The following SLC5A5 variants were observed in gnomAD, a reference collection of about 807,000 sequenced individuals.
SLC5A5 encodes sodium/iodide cotransporter.
Under a neutral mutation model 68.6 loss-of-function variants are expected in SLC5A5, and 56 were observed. That is an observed-to-expected ratio of 0.82 (90% CI 0.66 to 1.02). The LOEUF (loss-of-function observed/expected upper bound fraction) is 1.02. Ranked by LOEUF, SLC5A5 falls within the 50% of genes least tolerant of loss-of-function variation. The pLI is 0.00. For missense variants in SLC5A5, 807 were observed against 859.8 expected (o/e 0.94, Z 0.77); for synonymous variants, 398 against 373.0 (o/e 1.07, Z -0.77).
At chr19:17,878,399 G>A (rs2094312692) in intron 7 of SLC5A5, among the ~76,000 whole-genome samples, 1 of 152,130 alleles carries the variant, frequency 6.6e-6, no homozygotes, top group African/African-American at 2.4e-5. Context: ...CGGCTACTCA[G>A]GAGGCTGAGG....
At chr19:17,879,573 G>A (rs940337689) in intron 7 of SLC5A5, among the ~76,000 whole-genome samples, 6 of 152,126 alleles carry the variant, frequency 3.9e-5, no homozygotes, top group African/African-American at 1.2e-4. Flanking sequence ...GCAAGTCGGG[G>A]GGCGGTGCCA....
At chr19:17,877,501 G>T (rs1482705937) in intron 5 of SLC5A5, among the ~76,000 whole-genome samples, 2 of 152,056 alleles carry the variant, frequency 1.3e-5, no homozygotes, top group Non-Finnish European at 2.9e-5. Flanking sequence ...TAGAGATGGG[G>T]TTTCACCATG....
chr19:17,872,065 C>A lies in SLC5A5; in HGVS notation c.-255C>A. ...CAGAGTGAGAGGGGAGGTGGCAGGACAGACAGACAGCAGGGGCGGACGCAG... is the reference window on the plus strand; with the variant it reads ...CAGAGTGAGAGGGGAGGTGGCAGGAAAGACAGACAGCAGGGGCGGACGCAG... On this transcript the variant is annotated 5_prime_UTR_variant, in exon 1 of 15. Coordinates refer to ENST00000222248, the MANE Select transcript of SLC5A5 (RefSeq NM_000453.3). 1.8e-6 allele frequency: 1 copy of A among 541,508 alleles called. No homozygotes were observed. Among genetic ancestry groups the A allele is most frequent in the East Asian group, 3.3e-5 (1 of 30,194 alleles). The allele number at this position is 541,508 out of a possible 1,614,324, so 33.5% of individuals were successfully genotyped here.
intron 2 of SLC5A5, 37 bp from the exon 3 acceptor site, chr19:17,874,457 G>A: frequency 6.2e-7 from 1 of 1,607,924 alleles, no homozygotes; most frequent in East Asian, 2.2e-5. Flanking sequence ...TCGCCCAGAC[G>A]CCCTCCCTGC....
Position 17,888,828 on chromosome 19 carries a change from C to T in SLC5A5, c.1651+373C>T, listed in dbSNP as rs189691045. ...TGCATTTTTAGTAGAGACGGAGTTT[C>T]GCCATGTGTCTCGAACTCCTGGGCT... On this transcript the variant is annotated intron_variant, in intron 13 of 14. Transcript: ENST00000222248. Among the ~76,000 whole-genome samples the T allele has an allele frequency of 1.8e-3, 272 of 151,348 alleles. 1 individual carries two copies. Among genetic ancestry groups the T allele is most frequent in the African/African-American group, 5.9e-3 (242 of 41,290 alleles).
In SLC5A5 at chr19:17,880,872, C is replaced by T. The variant is rs2094319237; in HGVS notation, c.977C>T (p.Pro326Leu). The T allele has an allele frequency of 1.2e-6, 2 of 1,613,302 alleles. No individual in the cohort carries two copies. The highest frequency in any genetic ancestry group is 1.7e-6 in the Non-Finnish European group (2 of 1,179,656). ...GRISAPDQYM[P>L]LLVLDIFEDL... ...ACCCCCAGTTCTCCCCAGTACATGC[C>T]TCTGCTGGTGCTGGACATCTTCGAA... The change falls in exon 8 of 15, where the codon CCT (proline) becomes CTT (leucine). Residue 326 changes from proline to leucine, a missense_variant. By Grantham distance (98) the Pro-to-Leu change is moderately conservative (BLOSUM62 -3). Coordinates refer to ENST00000222248, the MANE Select transcript of SLC5A5 (RefSeq NM_000453.3).
Position 17,890,898 on chromosome 19 carries a change from G to C in SLC5A5, c.1664G>C (p.Arg555Pro). 1 of 1,613,450 alleles carries C rather than the reference G, an allele frequency of 6.2e-7. No individual in the cohort carries two copies. Among genetic ancestry groups the C allele is most frequent in the Non-Finnish European group, 8.5e-7 (1 of 1,179,570 alleles). The change falls in exon 14 of 15, where the codon CGC (arginine) becomes CCC (proline). Residue 555 changes from arginine (R) to proline (P), a missense_variant. Arg to Pro is a moderately radical substitution (Grantham distance 103). Transcript: ENST00000222248. ...CCCCGCCTCTCAGGCCCCACCAAGCGCAGCACCCTGGCCCCGGGATTGTTG... is the reference window on the plus strand; with the variant it reads ...CCCCGCCTCTCAGGCCCCACCAAGCCCAGCACCCTGGCCCCGGGATTGTTG... ...LISCLTGPTKRSTLAPGLLWW... is the reference protein window; with the variant it reads ...LISCLTGPTKPSTLAPGLLWW...
At chr19:17,883,593 C>T in intron 10 of SLC5A5, 88 bp from the exon 11 acceptor site, 1 of 1,072,454 alleles carries the variant, frequency 9.3e-7, no homozygotes, top group South Asian at 1.2e-5. Context: ...ATTGGAGTTC[C>T]TGAGGTCTCG....
intron 7 of SLC5A5, among the ~76,000 whole-genome samples, 182 bp downstream of exon 7, chr19:17,878,275 C>T (rs901074035): frequency 1.2e-4 from 18 of 152,086 alleles, no homozygotes; most frequent in East Asian, 1.9e-4. Context: ...GAGGCTGAGG[C>T]GGGTGGATCA....
In SLC5A5 at chr19:17,894,173, G is replaced by A. The variant is rs1224362591; in HGVS notation, c.*296G>A. On this transcript the variant is annotated 3_prime_UTR_variant, in exon 15 of 15. Transcript: ENST00000222248. ...TTTTTTTTTTTTTTTTTTGAGACAG[G>A]GTCATGCTCTGTCACCCAGGCTGGA... 2.6e-5 allele frequency: 9 copies of A among 347,334 alleles called. No individual in the cohort carries two copies. The highest frequency in any genetic ancestry group is 1.4e-4 in the African/African-American group (6 of 41,818). The allele number at this position is 347,334 out of a possible 1,614,324, so 21.5% of individuals were successfully genotyped here.
chr19:17,874,005 C>T (rs2094300480), intron 1 of SLC5A5, 133 bp from the exon 2 acceptor site: 2 of 717,722 alleles, frequency 2.8e-6, no homozygotes, highest in South Asian at 1.5e-5. Context: ...CGGCGGGGCC[C>T]CCACGTGCAA....
rs375564091 is a variant in SLC5A5, at chr19:17,876,071, G to C, written c.663G>C (p.Thr221=). 1 of 1,614,164 alleles carries C rather than the reference G, an allele frequency of 6.2e-7. No individual in the cohort carries two copies. The highest frequency in any genetic ancestry group is 1.7e-5 in the Admixed American group (1 of 60,008). Residue 221 remains threonine (T), a synonymous_variant, in exon 5 of 15, where the codon ACG becomes ACC. Transcript: ENST00000222248. The part of the protein sequence containing the change: ...MLVGGPRQVL[T]LAQNHSRINL... Reference sequence around the variant, plus strand: ...TGGGCGGGCCCCGCCAGGTGCTCACGCTGGCCCAGAACCACTCCCGGATCA... The same window carrying C: ...TGGGCGGGCCCCGCCAGGTGCTCACCCTGGCCCAGAACCACTCCCGGATCA...
At chr19:17,879,521 G>A (rs1277411559) in intron 7 of SLC5A5, among the ~76,000 whole-genome samples, 2 of 152,116 alleles carry the variant, frequency 1.3e-5, no homozygotes, top group African/African-American at 2.4e-5. Context: ...TACAGATGAG[G>A]AAATTGAGGC....
intron 10 of SLC5A5, 85 bp downstream of exon 10, chr19:17,882,304 G>A: frequency 2.8e-6 from 3 of 1,073,562 alleles, no homozygotes; most frequent in Non-Finnish European, 2.8e-6. Flanking sequence ...GGCTCAGAGA[G>A]GTCACATGTG....
intron 14 of SLC5A5, among the ~76,000 whole-genome samples, chr19:17,893,001 T>TC (rs1012993507): frequency 2.1e-5 from 3 of 141,894 alleles, no homozygotes; most frequent in Admixed American, 7.0e-5. Flanking sequence ...TCTCTTCTTT[T>TC]CTTTTTTTTC....
chr19:17,887,102 AC>A lies in SLC5A5; in HGVS notation c.1527-1228del. ...AATTAAAAAACAAACAAACAAAAAAACACCCTTTGCCCATTTTTAAATTGGG... is the reference window on the plus strand; with the variant it reads ...AATTAAAAAACAAACAAACAAAAAAAACCCTTTGCCCATTTTTAAATTGGG... On this transcript the variant is annotated intron_variant, in intron 12 of 14. Coordinates refer to ENST00000222248, the MANE Select transcript of SLC5A5 (RefSeq NM_000453.3). Among the ~76,000 whole-genome samples, 4 of 152,044 alleles carry A rather than the reference AC, an allele frequency of 2.6e-5. 1 individual carries two copies. The South Asian group carries it at 8.3e-4, about 32-fold the overall frequency.
At chr19:17,880,285 G>A (rs1257932206) in intron 7 of SLC5A5, among the ~76,000 whole-genome samples, 2 of 148,992 alleles carry the variant, frequency 1.3e-5, no homozygotes, top group Non-Finnish European at 3.0e-5. Context: ...CGCGATCTCC[G>A]CTCGCTGCAA....
At chr19:17,891,816 TA>T (rs1315179420) in intron 14 of SLC5A5, among the ~76,000 whole-genome samples, 2 of 152,196 alleles carry the variant, frequency 1.3e-5, no homozygotes, top group African/African-American at 4.8e-5. Flanking sequence ...ATCCCATGCC[TA>T]CCCCTGTTTT....
chr19:17,894,151 T>TTTTC lies in SLC5A5; in HGVS notation c.*277_*278insCTTT. On this transcript the variant is annotated 3_prime_UTR_variant, in exon 15 of 15. Coordinates refer to ENST00000222248, the MANE Select transcript of SLC5A5 (RefSeq NM_000453.3). ...TGGGTTTTTCTCTCTCTCTTTTTTT[T>TTTTC]TTTTTTTTTTTTTTGAGACAGGGTC... 6 of 331,524 alleles carry TTTTC rather than the reference T, an allele frequency of 1.8e-5. No individual in the cohort carries two copies. Among genetic ancestry groups the TTTTC allele is most frequent in the Middle Eastern group, 9.5e-4 (1 of 1,048 alleles). The allele number at this position is 331,524 out of a possible 1,614,324, so 20.5% of individuals were successfully genotyped here. A position where few individuals can be genotyped will look rare whatever the true frequency, so the allele number is the denominator to read the frequency against.
Sources: allele counts gnomAD v4.1 joint callset (sites outside exome capture counted in the v4.1 genomes callset), GRCh38; gene constraint gnomAD v4.1.1; transcripts MANE v1.5; gene names NCBI Gene and HGNC (gene_info 2026-07-23, HGNC 2026-07-21).